The following AQR variants were observed in gnomAD, a reference collection of about 807,000 sequenced individuals.
AQR encodes RNA helicase aquarius.
Under a neutral mutation model 180.5 loss-of-function variants are expected in AQR, and 61 were observed. The observed-to-expected ratio is 0.34, with a 90% CI of 0.28 to 0.42. AQR has a LOEUF of 0.42. Ranked by LOEUF, AQR falls within the 10% of genes least tolerant of loss-of-function variation. The probability of loss-of-function intolerance (pLI) is 1.00; values close to 1 mark genes in which losing one functional copy is unlikely to be tolerated. For missense variants in AQR, 1,281 were observed against 1,798.3 expected, an observed-to-expected ratio of 0.71 and a Z score of 5.20; for synonymous variants, 551 against 588.8, an observed-to-expected ratio of 0.94 and a Z score of 0.93.
intron 4 of AQR, among the ~76,000 whole-genome samples, chr15:34,951,450 A>G (rs549824590): frequency 1.2e-3 from 186 of 152,248 alleles, no homozygotes; most frequent in Admixed American, 2.1e-3. Context: ...GAGGCAGGCA[A>G]TCACAAGTTC....
chr15:34,909,797 T>C (rs1893472458), intron 17 of AQR, among the ~76,000 whole-genome samples: 2 of 152,186 alleles, frequency 1.3e-5, no homozygotes, highest in African/African-American at 4.8e-5. Flanking sequence ...TATTCTTTTA[T>C]ATTGATGCCA....
rs1048489064 is a variant in AQR at position 34,853,263 on chromosome 15, T to G, written c.*3529A>C. ...CACTGTTTTTTTTTTTTTTTTAACT[T>G]TATCTTGTTTTGATTGAAGAAACAT... On this transcript the variant is annotated 3_prime_UTR_variant, in exon 35 of 35. Transcript: ENST00000156471. 2 of 151,898 alleles carry G rather than the reference T, an allele frequency of 1.3e-5. No individual in the cohort carries two copies. Among genetic ancestry groups the G allele is most frequent in the African/African-American group, 2.4e-5 (1 of 41,234 alleles). 9.4% of individuals were successfully genotyped at this position (151,898 alleles called of 1,614,324 possible).
At chr15:34,915,871 G>A (rs1264045847) in intron 15 of AQR, among the ~76,000 whole-genome samples, 6 of 151,752 alleles carry the variant, frequency 4.0e-5, no homozygotes, top group East Asian at 3.9e-4. Context: ...ACTTGAACCC[G>A]GGAGGCAGAG....
intron 13 of AQR, among the ~76,000 whole-genome samples, chr15:34,923,803 A>C (rs769784510): frequency 5.7e-4 from 87 of 152,292 alleles, no homozygotes; most frequent in Non-Finnish European, 1.1e-3. Context: ...TATCAATACC[A>C]TAATGTCTTG....
Position 34,905,090 on chromosome 15 carries a change from C to CT in AQR, c.1832-586dup, listed in dbSNP as rs1334198908. 5.4e-5 allele frequency among the ~76,000 whole-genome samples: 5 copies of CT among 93,216 alleles called. 1 individual carries two copies. Among genetic ancestry groups the CT allele is most frequent in the Admixed American group, 1.7e-4 (1 of 6,024 alleles). The allele number at this position is 93,216 out of a possible 152,430, so 61.2% of individuals were successfully genotyped here. ...TTCTTTCCTCTCTGACATATCTCCT[C>CT]TTTTTTGGGGGGGGTGGGGGGAAGG... On this transcript the variant is annotated intron_variant, in intron 18 of 34. Transcript: ENST00000156471.
At position 34,888,426 on chromosome 15, in the gene AQR, C is replaced by T. The variant is rs186899108; in HGVS notation, c.2682-1765G>A. Among the ~76,000 whole-genome samples the T allele has an allele frequency of 2.0e-3, 297 of 152,132 alleles. 8 individuals are homozygous for T. The Middle Eastern group carries it at 0.034, about 17-fold the overall frequency. ...TTAAAAAGCAACATAAGGCTGGGCG[C>T]GGTGGCACACGCCTGTAATCCTAGC... is the stretch of plus-strand genomic sequence containing the variant. On this transcript the variant is annotated intron_variant, in intron 24 of 34. Transcript: ENST00000156471.
intron 20 of AQR, among the ~76,000 whole-genome samples, chr15:34,898,753 G>A (rs996571761): frequency 5.3e-5 from 8 of 151,292 alleles, no homozygotes; most frequent in African/African-American, 1.2e-4. Flanking sequence ...GCGTGGTGGC[G>A]GGCGCCTGTA....
chr15:34,881,688 C>T (rs1892975542), intron 27 of AQR, among the ~76,000 whole-genome samples: 1 of 152,124 alleles, frequency 6.6e-6, no homozygotes, highest in Non-Finnish European at 1.5e-5. Flanking sequence ...TATTCCATAT[C>T]CTCATATGAA....
At chr15:34,961,512 A>C (rs2050276886) in intron 2 of AQR, among the ~76,000 whole-genome samples, 1 of 150,464 alleles carries the variant, frequency 6.6e-6, no homozygotes, top group South Asian at 2.1e-4. Context: ...TCGGAGGCTG[A>C]GGCAGGAGAA....
chr15:34,915,005 T>G (rs769433676), intron 16 of AQR, 33 bp downstream of exon 16: 9 of 1,569,030 alleles, frequency 5.7e-6, no homozygotes, highest in Non-Finnish European at 7.7e-6. Flanking sequence ...ACTGTTTGCA[T>G]CTCTTCATTA....
chr15:34,863,196 C>A, intron 32 of AQR, 155 bp from the exon 33 acceptor site: 2 of 668,386 alleles, frequency 3.0e-6, no homozygotes, highest in Non-Finnish European at 2.4e-6. Context: ...ATCAATGTTA[C>A]GTGACTAATA....
chr15:34,960,041 C>G lies in AQR; in HGVS notation c.173+733G>C, dbSNP rs568062336. 5.3e-5 allele frequency among the ~76,000 whole-genome samples: 8 copies of G among 152,362 alleles called. No homozygotes were observed. In the South Asian group the frequency reaches 1.7e-3, roughly 32 times the overall value. ...AAATACCACTGTGCTTACAACTCTT[C>G]TTACTTCCTACTGTTTTCCAAATAA... is the stretch of plus-strand genomic sequence containing the variant. On this transcript the variant is annotated intron_variant, in intron 3 of 34. Coordinates refer to ENST00000156471, the MANE Select transcript of AQR (RefSeq NM_014691.3).
intron 22 of AQR, among the ~76,000 whole-genome samples, chr15:34,895,176 AAAAAAAAAAAAAT>A: frequency 1.8e-5 from 1 of 55,372 alleles, no homozygotes; most frequent in South Asian, 6.7e-4. Flanking sequence ...AAAAAAAAAA[AAAAAAAAAAAAAT>A]ATATATATAT....
chr15:34,932,191 A>G (rs1893874971), intron 11 of AQR, 127 bp downstream of exon 11: 2 of 694,306 alleles, frequency 2.9e-6, no homozygotes, highest in Non-Finnish European at 4.7e-6. Context: ...TTCATTTTAT[A>G]TATTAAGACA....
Position 34,886,433 on chromosome 15 carries a change from A to G in AQR, c.2817+93T>C, listed in dbSNP as rs1486059378. Reference sequence around the variant, plus strand: ...TACATTCTAATCTACTCAAAAAAATAAGCTTTCATGAAGGATCACAAGAAC... The same window carrying G: ...TACATTCTAATCTACTCAAAAAAATGAGCTTTCATGAAGGATCACAAGAAC... On this transcript the variant is annotated intron_variant, in intron 25 of 34. Transcript: ENST00000156471. The G allele has an allele frequency of 7.5e-6, 10 of 1,336,276 alleles. No homozygotes were observed. The South Asian group carries it at 1.6e-4, about 21-fold the overall frequency. 82.8% of individuals were successfully genotyped at this position (1,336,276 alleles called of 1,614,324 possible). A position where few individuals can be genotyped will look rare whatever the true frequency, so the allele number is the denominator to read the frequency against.
At chr15:34,877,618 A>G (rs1360464425) in intron 27 of AQR, among the ~76,000 whole-genome samples, 1 of 152,266 alleles carries the variant, frequency 6.6e-6, no homozygotes, top group African/African-American at 2.4e-5. Flanking sequence ...AAAAGGAGAT[A>G]GCTTAAAAAG....
Position 34,948,274 on chromosome 15 carries a change from G to A in AQR, c.320C>T (p.Pro107Leu), listed in dbSNP as rs1485730206. 2 of 1,613,394 alleles carry A rather than the reference G, an allele frequency of 1.2e-6. No homozygotes were observed. The highest frequency in any genetic ancestry group is 1.7e-6 in the Non-Finnish European group (2 of 1,179,922). Residue 107 changes from proline to leucine, a missense_variant, in exon 5 of 35, where the codon CCT becomes CTT. Around this residue, in one of 9 missense-constraint regions of AQR, gnomAD observed 404 missense variants for 490.9 expected, o/e 0.82. Transcript: ENST00000156471. The stretch of plus-strand genomic sequence containing the variant: ...CTTTAAATCAGTTACCTCCCATGCA[G>A]GCACGTTTTCTCTAAACTTCTCATT... ...MVNEKFRENV[P>L]AWEIFKKKPD...
At chr15:34,897,412 C>T (rs990731863) in intron 21 of AQR, 147 bp downstream of exon 21, 24 of 895,982 alleles carry the variant, frequency 2.7e-5, no homozygotes, top group Non-Finnish European at 4.0e-5. Flanking sequence ...AGTTATTCAG[C>T]TGACTGACAG....
intron 24 of AQR, among the ~76,000 whole-genome samples, chr15:34,887,432 A>T (rs1468198225): frequency 6.6e-6 from 1 of 152,232 alleles, no homozygotes; most frequent in Non-Finnish European, 1.5e-5. Context: ...AGTAATTTTT[A>T]AATGTTTTTG....
Sources: allele counts gnomAD v4.1 joint callset (sites outside exome capture counted in the v4.1 genomes callset), GRCh38; gene constraint gnomAD v4.1.1; regional missense constraint gnomAD v4.1.1; transcripts MANE v1.5; gene names NCBI Gene and HGNC (gene_info 2026-07-23, HGNC 2026-07-21).